Variants in NRXN1 observed in about 807,000 individuals in gnomAD.
NRXN1 encodes neurexin-1.
In NRXN1, 39 loss-of-function variants were observed where a neutral mutation model predicts 150.9. The ratio of observed to expected loss-of-function variants is 0.26; its 90% CI spans 0.20 to 0.34. NRXN1 has a LOEUF of 0.34. Ranked by LOEUF, NRXN1 falls within the 10% of genes least tolerant of loss-of-function variation. NRXN1 has a pLI of 1.00. For missense variants in NRXN1, 1,815 were observed against 1,949.9 expected, an observed-to-expected ratio of 0.93 and a Z score of 1.30; for synonymous variants, 924 against 757.0, an observed-to-expected ratio of 1.22 and a Z score of -3.62.
chr2:50,551,785 CTT>C (rs1491559956), intron 9 of NRXN1, among the ~76,000 whole-genome samples: 1 of 152,042 alleles, frequency 6.6e-6, no homozygotes, highest in Non-Finnish European at 1.5e-5. Context: ...TTCTCCCTCT[CTT>C]CTCTCTCTCT....
At chr2:50,154,859 A>C (rs1490477428) in intron 18 of NRXN1, among the ~76,000 whole-genome samples, 1 of 151,640 alleles carries the variant, frequency 6.6e-6, no homozygotes, top group Non-Finnish European at 1.5e-5. Context: ...TATACCTCTA[A>C]TAAGCATTAA....
chr2:51,020,422 T>C (rs1669424413), intron 2 of NRXN1, among the ~76,000 whole-genome samples: 1 of 151,998 alleles, frequency 6.6e-6, no homozygotes, highest in Non-Finnish European at 1.5e-5. Context: ...ATAAGAGAAC[T>C]CTACCAAATC....
Position 49,978,413 on chromosome 2 carries a change from G to A in NRXN1, c.4129-34622C>T, listed in dbSNP as rs147036480. On this transcript the variant is annotated intron_variant, in intron 21 of 22. Coordinates refer to ENST00000401669, the MANE Select transcript of NRXN1 (RefSeq NM_001330078.2). ...GCAGTTCTTGTCCTCGGGCTCTCAC[G>A]AAGTGTCTCTATCCATAGATAAGGT... 2.7e-3 allele frequency among the ~76,000 whole-genome samples: 407 copies of A among 152,126 alleles called. 2 individuals are homozygous for A. The highest frequency in any genetic ancestry group is 3.6e-3 in the Non-Finnish European group (242 of 68,002).
At chr2:50,862,327 C>G (rs1269969936) in intron 5 of NRXN1, among the ~76,000 whole-genome samples, 1 of 151,878 alleles carries the variant, frequency 6.6e-6, no homozygotes, top group Non-Finnish European at 1.5e-5. Context: ...TTTGGAGGTA[C>G]GATACTTTAG....
intron 5 of NRXN1, among the ~76,000 whole-genome samples, chr2:50,703,317 G>GT (rs1287410572): frequency 1.3e-5 from 2 of 152,028 alleles, no homozygotes; most frequent in Non-Finnish European, 2.9e-5. Flanking sequence ...ACAGATCCAG[G>GT]TAACTCTTTT....
At chr2:50,928,604 TA>T (rs1200112403) in intron 2 of NRXN1, among the ~76,000 whole-genome samples, 2 of 152,018 alleles carry the variant, frequency 1.3e-5, no homozygotes, top group Non-Finnish European at 2.9e-5. Context: ...TATCTCCTCA[TA>T]ACAATTTTTT....
chr2:50,982,351 G>T (rs1390214304), intron 2 of NRXN1, among the ~76,000 whole-genome samples: 2 of 152,076 alleles, frequency 1.3e-5, no homozygotes, highest in Non-Finnish European at 2.9e-5. Flanking sequence ...CTCTCTTAAA[G>T]AATCAAGTCA....
intron 18 of NRXN1, among the ~76,000 whole-genome samples, chr2:50,123,675 T>C (rs1459372062): frequency 6.6e-6 from 1 of 152,134 alleles, no homozygotes; most frequent in Non-Finnish European, 1.5e-5. Flanking sequence ...TGATTAAACT[T>C]TATTGAATTT....
At chr2:50,540,177 G>A (rs1290274297) in intron 9 of NRXN1, among the ~76,000 whole-genome samples, 1 of 152,174 alleles carries the variant, frequency 6.6e-6, no homozygotes, top group African/African-American at 2.4e-5. Context: ...TCCTAGGGGA[G>A]AAACACTCAA....
At chr2:50,414,513 T>A (rs1390758369) in intron 17 of NRXN1, among the ~76,000 whole-genome samples, 1 of 151,870 alleles carries the variant, frequency 6.6e-6, no homozygotes, top group Admixed American at 6.6e-5. Flanking sequence ...TTGAAAGATG[T>A]TTTTTTAATA....
chr2:50,531,442 A>C lies in NRXN1; in HGVS notation c.2144-12T>G. The stretch of plus-strand genomic sequence containing the variant: ...CAAAACCGTTGCCTCTAGAGATGGA[A>C]AATGAATATGATAAGTTCTTGGATG... On this transcript the variant is annotated splice_polypyrimidine_tract_variant and intron_variant, in intron 10 of 22. Coordinates refer to ENST00000401669, the MANE Select transcript of NRXN1 (RefSeq NM_001330078.2). 6.2e-6 allele frequency: 10 copies of C among 1,600,092 alleles called. No individual in the cohort carries two copies. Among genetic ancestry groups the C allele is most frequent in the Non-Finnish European group, 8.5e-6 (10 of 1,171,188 alleles).
At chr2:50,489,259 GC>G (rs962915987) in intron 15 of NRXN1, among the ~76,000 whole-genome samples, 1 of 152,170 alleles carries the variant, frequency 6.6e-6, no homozygotes, top group Non-Finnish European at 1.5e-5. Flanking sequence ...GAAGAAACCA[GC>G]CCCAGGGCTT....
intron 15 of NRXN1, among the ~76,000 whole-genome samples, chr2:50,474,483 C>G (rs2089803174): frequency 6.6e-6 from 1 of 151,514 alleles, no homozygotes. Flanking sequence ...AATCTCAAAA[C>G]CTCAGGTAAG....
intron 5 of NRXN1, among the ~76,000 whole-genome samples, chr2:50,823,926 C>T (rs978869725): frequency 7.2e-5 from 11 of 152,142 alleles, no homozygotes; most frequent in Admixed American, 5.9e-4. Flanking sequence ...ACTTTCCTCT[C>T]TGTGAATGGC....
At chr2:50,954,540 A>C (rs1475225147) in intron 2 of NRXN1, among the ~76,000 whole-genome samples, 1 of 152,210 alleles carries the variant, frequency 6.6e-6, no homozygotes, top group Non-Finnish European at 1.5e-5. Flanking sequence ...GTAAGCAATC[A>C]AGAAAGTTCC....
intron 8 of NRXN1, among the ~76,000 whole-genome samples, chr2:50,572,126 C>T (rs182898616): frequency 3.9e-5 from 6 of 152,240 alleles, no homozygotes; most frequent in African/African-American, 1.2e-4. Flanking sequence ...ACTAAGGGGT[C>T]AGCAGAGGTC....
chr2:50,658,295 A>T (rs1307946982), intron 5 of NRXN1, among the ~76,000 whole-genome samples: 3 of 151,924 alleles, frequency 2.0e-5, no homozygotes, highest in Admixed American at 2.0e-4. Flanking sequence ...TTACCTCAGA[A>T]GGATCCTTGA....
chr2:50,905,111 C>T (rs1003277301), intron 5 of NRXN1, among the ~76,000 whole-genome samples: 20 of 152,086 alleles, frequency 1.3e-4, no homozygotes, highest in African/African-American at 4.8e-4. Flanking sequence ...CTCATATTAT[C>T]ATCACAGTTC....
intron 5 of NRXN1, 138 bp downstream of exon 5, chr2:50,921,731 T>G: frequency 2.5e-6 from 1 of 399,000 alleles, no homozygotes; most frequent in Non-Finnish European, 4.6e-6. Flanking sequence ...TATCTTAAAT[T>G]TATAAAATAT....
Sources: gnomAD v4.1 joint callset for allele counts (sites outside exome capture counted in the v4.1 genomes callset) on GRCh38, gnomAD v4.1.1 for gene constraint, MANE v1.5 for transcripts, NCBI Gene and HGNC (gene_info 2026-07-23, HGNC 2026-07-21) for gene names.